The following HS6ST3 variants were observed in gnomAD, a reference collection of about 807,000 sequenced individuals.
HS6ST3 encodes the protein heparan sulfate 6-O-sulfotransferase 3.
A neutral mutation model predicts 36.7 loss-of-function variants in HS6ST3; 12 were observed. The observed-to-expected ratio is 0.33, with a 90% CI of 0.21 to 0.53. The LOEUF (loss-of-function observed/expected upper bound fraction) is 0.53. HS6ST3 is among the 20% of genes least tolerant of loss of function. The pLI, the probability that HS6ST3 is intolerant of heterozygous loss-of-function variation, is 0.95. For synonymous variants in HS6ST3, 240 were observed against 257.5 expected (o/e 0.93, Z 0.65); for missense variants, 584 against 640.9 (o/e 0.91, Z 0.96).
At chr13:96,440,604 C>G (rs1234525531) in intron 1 of HS6ST3, among the ~76,000 whole-genome samples, 1 of 151,800 alleles carries the variant, frequency 6.6e-6, no homozygotes, top group Non-Finnish European at 1.5e-5. Context: ...TAATACCACA[C>G]TGAAGAAATA....
chr13:96,532,030 G>A (rs1566388597), intron 1 of HS6ST3, among the ~76,000 whole-genome samples: 1 of 152,148 alleles, frequency 6.6e-6, no homozygotes, highest in African/African-American at 2.4e-5. Context: ...AGTAACAGCA[G>A]GCCATCTGGT....
intron 1 of HS6ST3, among the ~76,000 whole-genome samples, chr13:96,173,420 T>TA (rs1415716056): frequency 1.3e-5 from 2 of 152,148 alleles, no homozygotes; most frequent in Non-Finnish European, 2.9e-5. Flanking sequence ...TGTGAATTGA[T>TA]ATGTCATTGT....
chr13:96,396,358 A>G (rs1443445421), intron 1 of HS6ST3, among the ~76,000 whole-genome samples: 1 of 151,952 alleles, frequency 6.6e-6, no homozygotes, highest in Non-Finnish European at 1.5e-5. Flanking sequence ...ATTACCTCAG[A>G]TAACATCTAT....
intron 1 of HS6ST3, among the ~76,000 whole-genome samples, chr13:96,134,851 C>A (rs148508968): frequency 1.3e-5 from 2 of 152,064 alleles, no homozygotes; most frequent in Non-Finnish European, 2.9e-5. Context: ...ATTTTTGATC[C>A]AAGAATAATA....
At chr13:96,522,561 A>C (rs1472949366) in intron 1 of HS6ST3, among the ~76,000 whole-genome samples, 1 of 152,178 alleles carries the variant, frequency 6.6e-6, no homozygotes, top group Non-Finnish European at 1.5e-5. Context: ...TATTTAGGAT[A>C]GTTAGCTCTT....
chr13:96,626,176 G>T (rs2056511731), intron 1 of HS6ST3, among the ~76,000 whole-genome samples: 1 of 152,144 alleles, frequency 6.6e-6, no homozygotes, highest in Non-Finnish European at 1.5e-5. Context: ...GCATAGTCCA[G>T]TTTGTCAGTA....
At chr13:96,099,215 T>G (rs2053806158) in intron 1 of HS6ST3, among the ~76,000 whole-genome samples, 1 of 152,236 alleles carries the variant, frequency 6.6e-6, no homozygotes, top group South Asian at 2.1e-4. Context: ...GTGCTGAGAT[T>G]ACAGGTGTGA....
intron 1 of HS6ST3, among the ~76,000 whole-genome samples, chr13:96,725,670 A>ATG (rs371549749): frequency 0.042 from 6,169 of 148,366 alleles, 249 homozygotes; most frequent in African/African-American, 0.1. Context: ...ACTGAATTGC[A>ATG]TGTGTGTGTG....
At chr13:96,675,118 T>C (rs1191069228) in intron 1 of HS6ST3, among the ~76,000 whole-genome samples, 1 of 152,104 alleles carries the variant, frequency 6.6e-6, no homozygotes, top group Non-Finnish European at 1.5e-5. Context: ...GAAAAGCTAA[T>C]GTTTGGACAA....
At chr13:96,296,658 A>G (rs1252922200) in intron 1 of HS6ST3, among the ~76,000 whole-genome samples, 1 of 152,162 alleles carries the variant, frequency 6.6e-6, no homozygotes, top group Non-Finnish European at 1.5e-5. Context: ...TAAATGGATG[A>G]GATCCTGATT....
At chr13:96,256,893 G>A (rs1566303386) in intron 1 of HS6ST3, among the ~76,000 whole-genome samples, 1 of 151,788 alleles carries the variant, frequency 6.6e-6, no homozygotes, top group Non-Finnish European at 1.5e-5. Context: ...TATTTACGTC[G>A]GGACAACAGG....
chr13:96,469,010 A>G (rs2055827961), intron 1 of HS6ST3, among the ~76,000 whole-genome samples: 1 of 152,044 alleles, frequency 6.6e-6, no homozygotes, highest in African/African-American at 2.4e-5. Context: ...ATTTTTTCTA[A>G]TGAAAATATT....
At chr13:96,183,641 G>A (rs2054250606) in intron 1 of HS6ST3, among the ~76,000 whole-genome samples, 1 of 152,118 alleles carries the variant, frequency 6.6e-6, no homozygotes, top group Non-Finnish European at 1.5e-5. Context: ...GATGAACCTT[G>A]AGCACATTAT....
chr13:96,274,518 G>A (rs1266092743), intron 1 of HS6ST3, among the ~76,000 whole-genome samples: 1 of 152,052 alleles, frequency 6.6e-6, no homozygotes, highest in African/African-American at 2.4e-5. Flanking sequence ...AGGTAGTTGG[G>A]TGGAACTTTT....
intron 1 of HS6ST3, among the ~76,000 whole-genome samples, chr13:96,165,727 G>C (rs2054157073): frequency 6.6e-6 from 1 of 152,140 alleles, no homozygotes. Context: ...GCTTGCACCT[G>C]GCCTGGAAGA....
intron 1 of HS6ST3, among the ~76,000 whole-genome samples, chr13:96,772,433 T>TA (rs1485835705): frequency 6.6e-6 from 1 of 152,200 alleles, no homozygotes; most frequent in Non-Finnish European, 1.5e-5. Context: ...GGCCCCAGAA[T>TA]AAAAAAGCCA....
intron 1 of HS6ST3, among the ~76,000 whole-genome samples, chr13:96,645,072 A>G (rs1467673716): frequency 6.6e-6 from 1 of 151,876 alleles, no homozygotes; most frequent in Non-Finnish European, 1.5e-5. Context: ...ATTTTTTTTT[A>G]AATAAATGTA....
intron 1 of HS6ST3, among the ~76,000 whole-genome samples, chr13:96,166,029 T>C (rs1005002925): frequency 2.0e-5 from 2 of 101,016 alleles, no homozygotes; most frequent in Non-Finnish European, 3.8e-5. Context: ...GGGTTATTTA[T>C]TTATTTATTT....
chr13:96,586,601 T>C (rs2056362519), intron 1 of HS6ST3, among the ~76,000 whole-genome samples: 1 of 152,148 alleles, frequency 6.6e-6, no homozygotes, highest in African/African-American at 2.4e-5. Context: ...TGGCCTTGAA[T>C]GTCTTCTTTT....
Sources: gnomAD v4.1 joint callset for allele counts (sites outside exome capture counted in the v4.1 genomes callset) on GRCh38, gnomAD v4.1.1 for gene constraint, MANE v1.5 for transcripts, NCBI Gene and HGNC (gene_info 2026-07-23, HGNC 2026-07-21) for gene names.